IL1RAPL1: variants seen among roughly 807,000 people sequenced by gnomAD.
IL1RAPL1 encodes the protein interleukin 1 receptor accessory protein like 1.
In IL1RAPL1, 3 loss-of-function variants were observed where a neutral mutation model predicts 48.4. That is an observed-to-expected ratio of 0.06 (90% CI 0.03 to 0.16). The LOEUF (loss-of-function observed/expected upper bound fraction) is 0.16. Among genes scored for constraint, IL1RAPL1 ranks in the 10% least tolerant of loss-of-function variants. The pLI is 1.00. For synonymous variants in IL1RAPL1, 185 were observed against 187.7 expected (o/e 0.99, Z 0.12); for missense variants, 349 against 530.6 (o/e 0.66, Z 3.36).
intron 6 of IL1RAPL1, among the ~76,000 whole-genome samples, chrX:29,867,658 C>T (rs2147207504): frequency 8.9e-6 from 1 of 112,474 alleles, no homozygotes; most frequent in African/African-American, 3.2e-5. Context: ...ATAAAATAAA[C>T]TCTTGGAGAA....
chrX:28,976,833 G>A (rs772093326), intron 2 of IL1RAPL1, among the ~76,000 whole-genome samples: 1 of 111,753 alleles, frequency 8.9e-6, no homozygotes, highest in Admixed American at 9.5e-5. Flanking sequence ...GAAGAAGTTA[G>A]GGATCACTGG....
chrX:29,171,365 G>A (rs1929904217), intron 2 of IL1RAPL1, among the ~76,000 whole-genome samples: 1 of 111,511 alleles, frequency 9.0e-6, no homozygotes, highest in South Asian at 3.7e-4. Flanking sequence ...CTGTGTGAAT[G>A]ACCTGAACTA....
At chrX:28,808,591 A>G (rs1405169316) in intron 2 of IL1RAPL1, among the ~76,000 whole-genome samples, 5 of 111,181 alleles carry the variant, frequency 4.5e-5, no homozygotes, top group Non-Finnish European at 9.5e-5. Context: ...ACATATTTAT[A>G]TGTTATAATA....
At chrX:29,538,254 C>T (rs761962050) in intron 5 of IL1RAPL1, among the ~76,000 whole-genome samples, 15 of 107,509 alleles carry the variant, frequency 1.4e-4, no homozygotes, top group African/African-American at 3.4e-4. Context: ...TGTATAAAGT[C>T]CCTAGAAAAC....
chrX:28,595,148 A>G (rs960076481), intron 1 of IL1RAPL1, among the ~76,000 whole-genome samples: 4 of 112,403 alleles, frequency 3.6e-5, no homozygotes, highest in Non-Finnish European at 5.6e-5. Flanking sequence ...GTCTGCTTAC[A>G]TAAACAATAG....
At chrX:29,744,765 A>T (rs5972831) in intron 6 of IL1RAPL1, among the ~76,000 whole-genome samples, 16,773 of 111,685 alleles carry the variant, frequency 0.15, 1,285 homozygotes, top group African/African-American at 0.3. Context: ...GTCGTTTTTT[A>T]AAATTTTCAA....
intron 2 of IL1RAPL1, among the ~76,000 whole-genome samples, chrX:29,016,280 A>G (rs970887067): frequency 1.8e-5 from 2 of 111,593 alleles, no homozygotes; most frequent in Non-Finnish European, 3.8e-5. Context: ...AAGAACTTCT[A>G]GTGGCTTTGG....
chrX:28,632,954 T>C (rs889430435), intron 1 of IL1RAPL1, among the ~76,000 whole-genome samples: 11 of 104,886 alleles, frequency 1.0e-4, no homozygotes, highest in Admixed American at 4.2e-4. Flanking sequence ...GGTGGTGCAT[T>C]GTCTGCTCAC....
In IL1RAPL1 at chrX:28,878,405, C is replaced by T. The variant is rs761377371; in HGVS notation, c.82+88980C>T. On this transcript the variant is annotated intron_variant, in intron 2 of 10. Coordinates refer to ENST00000378993, the MANE Select transcript of IL1RAPL1 (RefSeq NM_014271.4). ...TTGATTAGGGAATGCTTTTTCCTAA[C>T]GTAAGTCAATGGTCCAGAAGGCCTC... Among the ~76,000 whole-genome samples the T allele has an allele frequency of 5.4e-5, 6 of 111,698 alleles. No homozygotes were observed. In the South Asian group the frequency reaches 1.1e-3, roughly 21 times the overall value.
At chrX:28,931,229 CT>C (rs1923873862) in intron 2 of IL1RAPL1, among the ~76,000 whole-genome samples, 2 of 111,692 alleles carry the variant, frequency 1.8e-5, no homozygotes, top group African/African-American at 6.5e-5. Context: ...TTCTTTCCTC[CT>C]GTCACCATGA....
chrX:29,031,641 C>A (rs1369065889), intron 2 of IL1RAPL1, among the ~76,000 whole-genome samples: 1 of 111,974 alleles, frequency 8.9e-6, no homozygotes, highest in Non-Finnish European at 1.9e-5. Context: ...TGATACACAG[C>A]ATTTCCTCAT....
intron 6 of IL1RAPL1, among the ~76,000 whole-genome samples, chrX:29,681,901 C>A (rs1226617719): frequency 2.5e-5 from 2 of 79,315 alleles, no homozygotes; most frequent in Non-Finnish European, 4.6e-5. Context: ...GGTAAAAAAT[C>A]CTCTTTGTAA....
chrX:28,627,619 G>A (rs913165562), intron 1 of IL1RAPL1, among the ~76,000 whole-genome samples: 5 of 111,819 alleles, frequency 4.5e-5, no homozygotes, highest in Admixed American at 3.8e-4. Flanking sequence ...TTTACCAGGC[G>A]ACAGTCACAG....
chrX:29,229,138 C>T (rs1931146459), intron 2 of IL1RAPL1, among the ~76,000 whole-genome samples: 1 of 111,819 alleles, frequency 8.9e-6, no homozygotes, highest in Non-Finnish European at 1.9e-5. Flanking sequence ...TTAAATTTCT[C>T]CTTTTAAAGA....
chrX:29,484,188 T>G (rs1456963024), intron 5 of IL1RAPL1, among the ~76,000 whole-genome samples: 1 of 111,444 alleles, frequency 9.0e-6, no homozygotes, highest in South Asian at 3.8e-4. Flanking sequence ...GGGTAATTTA[T>G]TTTCAAAAAA....
At chrX:29,693,091 A>C (rs764008084) in intron 6 of IL1RAPL1, among the ~76,000 whole-genome samples, 1 of 112,123 alleles carries the variant, frequency 8.9e-6, no homozygotes, top group East Asian at 2.8e-4. Flanking sequence ...CAACCTCTCA[A>C]GAGAATAAAC....
rs372644096 is a variant in IL1RAPL1, at chrX:29,033,899, G to GACACAC, written c.82+244494_82+244499dup. 6.3e-3 allele frequency among the ~76,000 whole-genome samples: 654 copies of GACACAC among 103,105 alleles called. 8 individuals carry two copies. The highest frequency in any genetic ancestry group is 0.021 in the African/African-American group (583 of 28,367). The allele number at this position is 103,105 out of a possible 115,157, so 89.5% of individuals were successfully genotyped here. ...AAGAAAAGGGAAAAGCAAGAAATGG[G>GACACAC]ACACACACACACACACACACACACA... On this transcript the variant is annotated intron_variant, in intron 2 of 10. Transcript: ENST00000378993.
chrX:29,326,982 T>C (rs1932846620), intron 3 of IL1RAPL1, among the ~76,000 whole-genome samples: 1 of 111,996 alleles, frequency 8.9e-6, no homozygotes, highest in Non-Finnish European at 1.9e-5. Flanking sequence ...AGAAGAAGGT[T>C]GTATGTAATC....
intron 2 of IL1RAPL1, among the ~76,000 whole-genome samples, chrX:29,186,580 G>A (rs1051419353): frequency 9.0e-6 from 1 of 111,590 alleles, no homozygotes; most frequent in African/African-American, 3.2e-5. Context: ...TGTTCCCATA[G>A]TTGTGGCATT....
Sources: allele counts gnomAD v4.1 joint callset (sites outside exome capture counted in the v4.1 genomes callset), GRCh38; gene constraint gnomAD v4.1.1; transcripts MANE v1.5; gene names NCBI Gene and HGNC (gene_info 2026-07-23, HGNC 2026-07-21).